Variants in NCOR1 observed in about 807,000 individuals in gnomAD.
NCOR1 encodes the protein nuclear receptor corepressor 1, also known as protein phosphatase 1, regulatory subunit 109.
A neutral mutation model predicts 288.1 loss-of-function variants in NCOR1; 63 were observed. The observed-to-expected ratio is 0.22, with a 90% CI of 0.18 to 0.27. The LOEUF is 0.27. Ranked by LOEUF, NCOR1 falls within the 10% of genes least tolerant of loss-of-function variation. NCOR1 has a pLI of 1.00. For missense variants in NCOR1, 2,397 were observed against 3,019.2 expected (o/e 0.79, Z 4.83); for synonymous variants, 1,007 against 1,065.9 (o/e 0.94, Z 1.08).
At position 16,058,551 on chromosome 17, in the gene NCOR1, C is replaced by G. The variant is rs756784045; in HGVS notation, c.5930G>C (p.Ser1977Thr). 9 of 1,613,758 alleles carry G rather than the reference C, an allele frequency of 5.6e-6. No homozygotes were observed. The East Asian group carries it at 2.0e-4, about 36-fold the overall frequency. Residue 1977 changes from serine (S) to threonine (T), a missense_variant, in exon 38 of 46, where the codon AGT becomes ACT. Around this residue, in one of 11 missense-constraint regions of NCOR1, gnomAD observed 1,872 missense variants for 2,187.8 expected, o/e 0.86. Transcript: ENST00000268712. Reference protein sequence around the residue: ...ETPSDAIEVISPASSPAPPQE... With the variant: ...ETPSDAIEVITPASSPAPPQE... ...GGGTGGCGCAGGTGAGCTGGCAGGA[C>G]TTATCACCTCAATAGCATCGCTAGG...
At chr17:16,119,039 A>G (rs1370091900) in intron 17 of NCOR1, among the ~76,000 whole-genome samples, 1 of 152,240 alleles carries the variant, frequency 6.6e-6, no homozygotes, top group Non-Finnish European at 1.5e-5. Context: ...TTACCATCCT[A>G]TCCTATTAAA....
At chr17:16,137,507 A>T (rs985042527) in intron 13 of NCOR1, 95 bp from the exon 14 acceptor site, 1 of 642,380 alleles carries the variant, frequency 1.6e-6, no homozygotes. Flanking sequence ...TGGTATTCTG[A>T]AAGTAAAATT....
chr17:16,106,055 G>GC (rs2068566564), intron 19 of NCOR1, among the ~76,000 whole-genome samples: 1 of 152,060 alleles, frequency 6.6e-6, no homozygotes, highest in South Asian at 2.1e-4. Flanking sequence ...AGCTGAGATT[G>GC]CAACACTGCA....
chr17:16,053,953 C>G (rs949095056), intron 40 of NCOR1, among the ~76,000 whole-genome samples: 6 of 151,442 alleles, frequency 4.0e-5, no homozygotes, highest in African/African-American at 1.5e-4. Context: ...GAAAGAATTC[C>G]CTATCAATAA....
At chr17:16,187,749 A>C (rs190517798) in intron 2 of NCOR1, among the ~76,000 whole-genome samples, 1 of 152,144 alleles carries the variant, frequency 6.6e-6, no homozygotes, top group East Asian at 1.9e-4. Context: ...TACAAAAAAT[A>C]AATTTAAAAA....
intron 43 of NCOR1, chr17:16,040,033 G>T (rs539068947): frequency 6.1e-5 from 24 of 394,852 alleles, no homozygotes; most frequent in Non-Finnish European, 1.1e-4. Context: ...CAGGTGATCC[G>T]CCCGCCTTGG....
chr17:16,106,884 T>TATATATATATATATATA (rs58380966), intron 19 of NCOR1, among the ~76,000 whole-genome samples: 1 of 32,710 alleles, frequency 3.1e-5, no homozygotes, highest in Non-Finnish European at 5.2e-5. Context: ...TATATATATA[T>TATATATATATATATATA]TTTTTTTTTT....
In NCOR1 at chr17:16,058,617, C is replaced by T; in HGVS notation, c.5882-18G>A. On this transcript the variant is annotated intron_variant, in intron 37 of 45. Transcript: ENST00000268712. The stretch of plus-strand genomic sequence containing the variant: ...AGAAGATACTTTAAGAAAAGAAAAT[C>T]TTATTTCAAAACTAATCCCAGGAAA... 6.3e-7 allele frequency: 1 copy of T among 1,583,564 alleles called. No individual in the cohort carries two copies. Among genetic ancestry groups the T allele is most frequent in the Non-Finnish European group, 8.6e-7 (1 of 1,164,096 alleles).
chr17:16,073,593 T>C, intron 27 of NCOR1, 24 bp from the exon 28 acceptor site: 1 of 1,567,782 alleles, frequency 6.4e-7, no homozygotes, highest in Non-Finnish European at 8.6e-7. Context: ...AAACAAGACT[T>C]GCTCAGACGG....
chr17:16,087,721 TAGCCTGTTGA>T (rs1269673235), intron 22 of NCOR1, among the ~76,000 whole-genome samples: 1 of 152,206 alleles, frequency 6.6e-6, no homozygotes, highest in Non-Finnish European at 1.5e-5. Context: ...GTCTTATAAT[TAGCCTGTTGA>T]AGCTCACTCC....
intron 23 of NCOR1, 68 bp from the exon 24 acceptor site, chr17:16,080,795 C>T (rs2063275762): frequency 5.0e-6 from 7 of 1,402,740 alleles, no homozygotes; most frequent in East Asian, 2.4e-5. Context: ...GTCAATTTCA[C>T]AAAGTCAGCA....
chr17:16,146,531 C>T lies in NCOR1; in HGVS notation c.927G>A (p.Gln309=). 1 of 1,583,288 alleles carries T rather than the reference C, an allele frequency of 6.3e-7. No individual in the cohort carries two copies. Residue 309 remains glutamine (Q), a synonymous_variant, in exon 10 of 46, where the codon CAG becomes CAA. Coordinates refer to ENST00000268712, the MANE Select transcript of NCOR1 (RefSeq NM_006311.4). ...ATGCCTCCATGAGCTGATCATAACG[C>T]TGGCAGATTTTTTGTTCCTATTAAA... The part of the protein sequence containing the change: ...ARKQREQKIC[Q]RYDQLMEAWE...
intron 37 of NCOR1, 27 bp from the exon 38 acceptor site, chr17:16,058,626 A>G (rs760316002): frequency 6.3e-7 from 1 of 1,582,432 alleles, no homozygotes; most frequent in South Asian, 1.1e-5. Flanking sequence ...TCTTATTTCA[A>G]AACTAATCCC....
chr17:16,169,268 A>AAAC (rs57544996), intron 4 of NCOR1, among the ~76,000 whole-genome samples: 7,464 of 152,136 alleles, frequency 0.049, 217 homozygotes, highest in African/African-American at 0.092. Context: ...AGCAGCAAAA[A>AAAC]AACAACAACA....
rs143004485 is a variant in NCOR1 at position 16,131,633 on chromosome 17, A to G, written c.1510-5427T>C. 1.5e-3 allele frequency among the ~76,000 whole-genome samples: 226 copies of G among 152,372 alleles called. 11 individuals are homozygous for G. In the East Asian group the frequency reaches 0.038, roughly 26 times the overall value. ...ATGAAATACCGTTTCACTACTGGAC[A>G]ATATTTTCTTTAAAAATATACTTCG... On this transcript the variant is annotated intron_variant, in intron 14 of 45. Coordinates refer to ENST00000268712, the MANE Select transcript of NCOR1 (RefSeq NM_006311.4).
intron 8 of NCOR1, chr17:16,151,620 A>G: frequency 7.4e-7 from 1 of 1,358,300 alleles, no homozygotes. Context: ...TACTCCACTG[A>G]AAAAAAGACA....
chr17:16,105,870 C>A (rs1176100172), intron 19 of NCOR1, among the ~76,000 whole-genome samples: 1 of 152,158 alleles, frequency 6.6e-6, no homozygotes, highest in Non-Finnish European at 1.5e-5. Flanking sequence ...AAGGCCAAGG[C>A]AGGCGGAACA....
Position 16,079,926 on chromosome 17 carries a change from A to C in NCOR1, c.3501+38T>G, listed in dbSNP as rs1364282803. 3.3e-6 allele frequency: 5 copies of C among 1,505,348 alleles called. No individual in the cohort carries two copies. The African/African-American group carries it at 4.2e-5, about 13-fold the overall frequency. 93.2% of individuals were successfully genotyped at this position (1,505,348 alleles called of 1,614,324 possible). On this transcript the variant is annotated intron_variant, in intron 26 of 45. Transcript: ENST00000268712. ...AAGAATTATTTATCATTTTTTCCTG[A>C]GCTTCTGTTGAGTATATCAGAGATG...
chr17:16,087,733 G>A (rs1403508682), intron 22 of NCOR1, among the ~76,000 whole-genome samples: 1 of 152,168 alleles, frequency 6.6e-6, no homozygotes, highest in Non-Finnish European at 1.5e-5. Flanking sequence ...GCCTGTTGAA[G>A]CTCACTCCTT....
Sources: gnomAD v4.1 joint callset for allele counts (sites outside exome capture counted in the v4.1 genomes callset) on GRCh38, gnomAD v4.1.1 for gene constraint, gnomAD v4.1.1 regional missense constraint, MANE v1.5 for transcripts, NCBI Gene and HGNC (gene_info 2026-07-23, HGNC 2026-07-21) for gene names.